PTPRD: variants seen among roughly 807,000 people sequenced by gnomAD.
The protein encoded by PTPRD is protein tyrosine phosphatase receptor type D.
PTPRD carries 34 observed loss-of-function variants against 214.5 expected under a neutral mutation model. That is an observed-to-expected ratio of 0.16 (90% CI 0.12 to 0.21). The LOEUF is 0.21. PTPRD is among the 10% of genes least tolerant of loss of function. The pLI, the probability that PTPRD is intolerant of heterozygous loss-of-function variation, is 1.00. For synonymous variants in PTPRD, 1,128 were observed against 845.7 expected, an observed-to-expected ratio of 1.33 and a Z score of -5.79; for missense variants, 2,545 against 2,398.7, an observed-to-expected ratio of 1.06 and a Z score of -1.27.
At chr9:8,583,172 C>T (rs1199457496) in intron 14 of PTPRD, among the ~76,000 whole-genome samples, 1 of 152,162 alleles carries the variant, frequency 6.6e-6, no homozygotes, top group Non-Finnish European at 1.5e-5. Flanking sequence ...TTTTGCACTC[C>T]TATGAGAATC....
At position 8,527,217 on chromosome 9, in the gene PTPRD, C is replaced by T. The variant is rs973708109; in HGVS notation, c.550+128G>A. 5.3e-6 allele frequency: 5 copies of T among 951,084 alleles called. No individual in the cohort carries two copies. In the African/African-American group the frequency reaches 6.7e-5, roughly 13 times the overall value. 58.9% of individuals were successfully genotyped at this position (951,084 alleles called of 1,614,324 possible). A position where few individuals can be genotyped will look rare whatever the true frequency, so the allele number is the denominator to read the frequency against. ...TCTGTGGAGGTGTGTGTGGGAGCCA[C>T]TACAGAGATCTGGTGTCTACACTGA... On this transcript the variant is annotated intron_variant, in intron 16 of 45. Coordinates refer to ENST00000381196, the MANE Select transcript of PTPRD (RefSeq NM_002839.4).
intron 31 of PTPRD, among the ~76,000 whole-genome samples, 158 bp from the exon 32 acceptor site, chr9:8,465,833 C>A (rs915492027): frequency 1.3e-5 from 2 of 151,880 alleles, no homozygotes; most frequent in African/African-American, 4.8e-5. Context: ...TCAGTTCTCT[C>A]AATATTTCAA....
At chr9:8,851,912 A>G (rs1260730355) in intron 11 of PTPRD, among the ~76,000 whole-genome samples, 2 of 152,126 alleles carry the variant, frequency 1.3e-5, no homozygotes, top group Non-Finnish European at 2.9e-5. Context: ...CTGGGTCGAG[A>G]TTTTGCAATT....
intron 9 of PTPRD, among the ~76,000 whole-genome samples, chr9:9,359,117 G>A (rs1414387150): frequency 1.3e-5 from 2 of 151,330 alleles, no homozygotes; most frequent in Admixed American, 6.6e-5. Flanking sequence ...GTCAACAGAT[G>A]TTGACCTTAG....
At chr9:9,980,297 CAT>C (rs1293227019) in intron 4 of PTPRD, among the ~76,000 whole-genome samples, 1 of 151,644 alleles carries the variant, frequency 6.6e-6, no homozygotes, top group East Asian at 1.9e-4. Flanking sequence ...ACATATAACA[CAT>C]ATCTGTGGTA....
intron 36 of PTPRD, among the ~76,000 whole-genome samples, chr9:8,390,412 G>A (rs2089059687): frequency 6.6e-6 from 1 of 151,952 alleles, no homozygotes; most frequent in East Asian, 1.9e-4. Context: ...AATATACTCT[G>A]TCTCCTTCCC....
chr9:8,401,240 C>A (rs1030943449), intron 36 of PTPRD, among the ~76,000 whole-genome samples: 2 of 151,582 alleles, frequency 1.3e-5, no homozygotes, highest in Admixed American at 1.3e-4. Flanking sequence ...TCTCAGCTCA[C>A]TGCAAACTCC....
intron 3 of PTPRD, among the ~76,000 whole-genome samples, chr9:10,291,331 A>G (rs1285715285): frequency 1.3e-5 from 2 of 152,086 alleles, no homozygotes; most frequent in Non-Finnish European, 2.9e-5. Flanking sequence ...GTCTCAAAAC[A>G]TGGTCAACAT....
intron 8 of PTPRD, among the ~76,000 whole-genome samples, chr9:9,405,239 G>A (rs1171200901): frequency 6.6e-6 from 1 of 151,990 alleles, no homozygotes; most frequent in Non-Finnish European, 1.5e-5. Flanking sequence ...TTACAATGTA[G>A]TTGCAGCTTA....
intron 4 of PTPRD, among the ~76,000 whole-genome samples, chr9:9,982,687 A>G (rs949654497): frequency 1.3e-5 from 2 of 152,052 alleles, no homozygotes; most frequent in African/African-American, 2.4e-5. Flanking sequence ...CTTTCCTATG[A>G]TTAGTTTTTG....
intron 14 of PTPRD, among the ~76,000 whole-genome samples, chr9:8,546,857 C>G (rs1419187862): frequency 1.3e-5 from 2 of 152,158 alleles, no homozygotes; most frequent in African/African-American, 2.4e-5. Context: ...CATGATGCAT[C>G]TGTGTCACAG....
intron 10 of PTPRD, among the ~76,000 whole-genome samples, chr9:9,035,439 C>G (rs2099618418): frequency 1.3e-5 from 2 of 151,984 alleles, no homozygotes; most frequent in Non-Finnish European, 2.9e-5. Flanking sequence ...ATGTAAATAT[C>G]AAAGGGGAAG....
At chr9:10,182,184 A>C (rs1819172) in intron 3 of PTPRD, among the ~76,000 whole-genome samples, 21,434 of 140,350 alleles carry the variant, frequency 0.15, 1,847 homozygotes, top group African/African-American at 0.23. Flanking sequence ...CGCTTGAACT[A>C]GGGAGGCAGA....
chr9:8,681,274 A>G (rs923183298), intron 12 of PTPRD, among the ~76,000 whole-genome samples: 2 of 152,278 alleles, frequency 1.3e-5, no homozygotes, highest in South Asian at 2.1e-4. Flanking sequence ...AAGCAAACAC[A>G]TTTTATTTAC....
intron 7 of PTPRD, among the ~76,000 whole-genome samples, chr9:9,710,159 A>G (rs2097698606): frequency 6.6e-6 from 1 of 152,142 alleles, no homozygotes; most frequent in Admixed American, 6.5e-5. Context: ...ACATTTTAGT[A>G]CTTAGTATCA....
chr9:10,386,323 T>C (rs940809700), intron 2 of PTPRD, among the ~76,000 whole-genome samples: 7 of 151,896 alleles, frequency 4.6e-5, no homozygotes, highest in African/African-American at 1.7e-4. Context: ...ACAATGGATA[T>C]TTTGGTCTTC....
chr9:9,227,383 T>G (rs2099960179), intron 9 of PTPRD, among the ~76,000 whole-genome samples: 1 of 152,152 alleles, frequency 6.6e-6, no homozygotes, highest in Non-Finnish European at 1.5e-5. Flanking sequence ...GCCCCTAGCC[T>G]GGAGAAAATA....
chr9:8,565,829 T>C (rs1458493359), intron 14 of PTPRD, among the ~76,000 whole-genome samples: 1 of 152,214 alleles, frequency 6.6e-6, no homozygotes, highest in Non-Finnish European at 1.5e-5. Flanking sequence ...TTATCATTAA[T>C]AGCATTAATA....
intron 9 of PTPRD, among the ~76,000 whole-genome samples, chr9:9,385,405 G>A (rs1446842773): frequency 6.6e-6 from 1 of 152,128 alleles, no homozygotes; most frequent in Non-Finnish European, 1.5e-5. Context: ...GGAAAGCGAA[G>A]TACTAGACAA....
Sources: allele counts gnomAD v4.1 joint callset (sites outside exome capture counted in the v4.1 genomes callset), GRCh38; gene constraint gnomAD v4.1.1; transcripts MANE v1.5; gene names NCBI Gene and HGNC (gene_info 2026-07-23, HGNC 2026-07-21).